Variants in EXOC1 observed in about 807,000 individuals in gnomAD.
The protein encoded by EXOC1 is SEC3-like 1.
Under a neutral mutation model 107.7 loss-of-function variants are expected in EXOC1, and 67 were observed. The ratio of observed to expected loss-of-function variants is 0.62; its 90% CI spans 0.51 to 0.76. The LOEUF is 0.76. Ranked by LOEUF, EXOC1 falls within the 30% of genes least tolerant of loss-of-function variation. The probability of loss-of-function intolerance (pLI) is 0.00; values close to 1 mark genes in which losing one functional copy is unlikely to be tolerated. For missense variants in EXOC1, 833 were observed against 1,055.7 expected, an observed-to-expected ratio of 0.79 and a Z score of 2.92; for synonymous variants, 348 against 353.5, an observed-to-expected ratio of 0.98 and a Z score of 0.17.
rs371661320 is a variant in EXOC1 at position 55,904,524 on chromosome 4, A to T, written c.*29A>T. 40 of 1,590,762 alleles carry T rather than the reference A, an allele frequency of 2.5e-5. No homozygotes were observed. The African/African-American group carries it at 4.2e-4, about 17-fold the overall frequency. On this transcript the variant is annotated 3_prime_UTR_variant, in exon 19 of 19. Transcript: ENST00000381295. The stretch of plus-strand genomic sequence containing the variant: ...TTGTGAAAGAAGAAAAGATAACTGA[A>T]TGAAGCATTTGAGTATAACAGACAC...
chr4:55,904,432 T>C lies in EXOC1; in HGVS notation c.2622T>C (p.Val874=), dbSNP rs1399506208. The change falls in exon 19 of 19, where the codon GTT becomes GTC. Residue 874 remains valine (V), a synonymous_variant. Transcript: ENST00000381295. The stretch of plus-strand genomic sequence containing the variant: ...CTCGCTGTTATCCTGGATCTGGTGT[T>C]ACAATGGAATTCACTATTCAGGACA... ...LIARCYPGSG[V]TMEFTIQDIL... 1 of 1,613,204 alleles carries C rather than the reference T, an allele frequency of 6.2e-7. No homozygotes were observed. The highest frequency in any genetic ancestry group is 8.5e-7 in the Non-Finnish European group (1 of 1,179,772).
Position 55,896,919 on chromosome 4 carries a change from C to A in EXOC1, c.2137+19C>A. On this transcript the variant is annotated intron_variant, in intron 16 of 18. Coordinates refer to ENST00000381295, the MANE Select transcript of EXOC1 (RefSeq NM_001024924.2). ...GTTAATGGTAAGCTTTTGTTATGTT[C>A]TAAAGAATTGTTATAGCTATTGTTT... 1 of 1,560,730 alleles carries A rather than the reference C, an allele frequency of 6.4e-7. No homozygotes were observed.
chr4:55,889,633 A>C (rs925999694), intron 11 of EXOC1, among the ~76,000 whole-genome samples: 3 of 152,338 alleles, frequency 2.0e-5, no homozygotes, highest in Admixed American at 6.5e-5. Flanking sequence ...AAGGACTATA[A>C]TCAGTTCACT....
chr4:55,872,870 G>A, intron 8 of EXOC1: 4 of 677,362 alleles, frequency 5.9e-6, no homozygotes, highest in Non-Finnish European at 7.3e-6. Context: ...TATAAAGTTT[G>A]CTAAACTTAA....
chr4:55,857,945 A>G lies in EXOC1; in HGVS notation c.-10-369A>G, dbSNP rs187899695. ...TTATTGGCCATTTGTATATCTTTGG[A>G]AAAATGTCTGTTCAGGTCTTTTATT... is the stretch of plus-strand genomic sequence containing the variant. On this transcript the variant is annotated intron_variant, in intron 1 of 18. Transcript: ENST00000381295. Among the ~76,000 whole-genome samples, 778 of 152,278 alleles carry G rather than the reference A, an allele frequency of 5.1e-3. 10 individuals carry two copies. Among genetic ancestry groups the G allele is most frequent in the African/African-American group, 0.018 (743 of 41,546 alleles).
intron 9 of EXOC1, among the ~76,000 whole-genome samples, chr4:55,882,128 TG>T (rs891915499): frequency 2.1e-5 from 3 of 144,070 alleles, no homozygotes; most frequent in African/African-American, 7.8e-5. Context: ...TATTGTGTTT[TG>T]TTTTGTTTTT....
rs1722991504 is a variant in EXOC1, at chr4:55,877,301, AG to A, written c.1075-614del. The A allele has an allele frequency of 3.0e-6, 3 of 985,264 alleles. No individual in the cohort carries two copies. The South Asian group carries it at 1.4e-4, about 46-fold the overall frequency. The allele number at this position is 985,264 out of a possible 1,614,324, so 61.0% of individuals were successfully genotyped here. ...GCTGACAAATAACTTCTGGCTATCT[AG>A]GCAAATTAGATTGAGTGAAAATTAC... On this transcript the variant is annotated intron_variant, in intron 8 of 18. Transcript: ENST00000381295.
intron 9 of EXOC1, 26 bp from the exon 10 acceptor site, chr4:55,883,797 G>A (rs1216546123): frequency 7.2e-7 from 1 of 1,381,948 alleles, no homozygotes; most frequent in African/African-American, 1.5e-5. Flanking sequence ...TTATTAATAA[G>A]AAGTACATGT....
At chr4:55,868,850 A>G (rs1722186118) in intron 5 of EXOC1, 1 of 192,748 alleles carries the variant, frequency 5.2e-6, no homozygotes, top group Admixed American at 6.0e-5. Flanking sequence ...GTTCAGTGCC[A>G]AAGAATAGCA....
chr4:55,857,168 CTTTTTTTTTTTTTTTTTT>C (rs71192052), intron 1 of EXOC1, among the ~76,000 whole-genome samples: 1 of 65,738 alleles, frequency 1.5e-5, no homozygotes, highest in Non-Finnish European at 2.7e-5. Flanking sequence ...TCCTTTTTTT[CTTTTTTTTTTTTTTTTTT>C]TTTTTTTTTG....
intron 3 of EXOC1, among the ~76,000 whole-genome samples, chr4:55,861,263 T>C (rs1000572866): frequency 3.3e-5 from 5 of 152,150 alleles, no homozygotes; most frequent in African/African-American, 1.2e-4. Flanking sequence ...CACACCTCCA[T>C]AGCACAAGAG....
intron 14 of EXOC1, 41 bp downstream of exon 14, chr4:55,892,752 A>C: frequency 6.2e-7 from 1 of 1,602,024 alleles, no homozygotes; most frequent in Non-Finnish European, 8.6e-7. Context: ...TGGAAAAAAT[A>C]AACTTTAAAA....
At chr4:55,889,411 A>C (rs1176728607) in intron 11 of EXOC1, among the ~76,000 whole-genome samples, 6 of 152,178 alleles carry the variant, frequency 3.9e-5, no homozygotes, top group Admixed American at 2.0e-4. Flanking sequence ...ATTTTCTTCT[A>C]AAAATCAAAT....
At chr4:55,857,346 ATT>A (rs1274549418) in intron 1 of EXOC1, among the ~76,000 whole-genome samples, 2 of 150,564 alleles carry the variant, frequency 1.3e-5, no homozygotes, top group Non-Finnish European at 1.5e-5. Flanking sequence ...TGCCCGGCTA[ATT>A]TTTTTGTATT....
intron 17 of EXOC1, 150 bp from the exon 18 acceptor site, chr4:55,902,190 GAAGT>G: frequency 2.1e-6 from 1 of 477,320 alleles, no homozygotes; most frequent in Non-Finnish European, 3.5e-6. Context: ...GTTCATCTCA[GAAGT>G]ATGTTAATAA....
chr4:55,855,786 C>A (rs1352048548), intron 1 of EXOC1, among the ~76,000 whole-genome samples: 1 of 152,158 alleles, frequency 6.6e-6, no homozygotes, highest in African/African-American at 2.4e-5. Flanking sequence ...GAAAAGTAAA[C>A]TGGCCAGTGC....
intron 11 of EXOC1, among the ~76,000 whole-genome samples, chr4:55,889,868 A>T (rs900943718): frequency 2.6e-5 from 4 of 152,116 alleles, no homozygotes; most frequent in Non-Finnish European, 4.4e-5. Flanking sequence ...CTTCATCCAT[A>T]TTCCTGTCCT....
intron 1 of EXOC1, among the ~76,000 whole-genome samples, chr4:55,854,420 GAT>G (rs1720767579): frequency 6.6e-6 from 1 of 152,124 alleles, no homozygotes; most frequent in African/African-American, 2.4e-5. Flanking sequence ...AACGTGGTCA[GAT>G]ATGGGTTCTC....
chr4:55,856,360 C>T (rs1349128874), intron 1 of EXOC1, among the ~76,000 whole-genome samples: 2 of 152,164 alleles, frequency 1.3e-5, no homozygotes. Context: ...AAGAAGTAAA[C>T]TTGGAGAGGC....
Sources: allele counts gnomAD v4.1 joint callset (sites outside exome capture counted in the v4.1 genomes callset), GRCh38; gene constraint gnomAD v4.1.1; transcripts MANE v1.5; gene names NCBI Gene and HGNC (gene_info 2026-07-23, HGNC 2026-07-21).